The following ZNF223 variants were observed in gnomAD, a reference collection of about 807,000 sequenced individuals.
The protein encoded by ZNF223 is Homo sapiens zinc finger protein 223.
ZNF223 carries 9 observed loss-of-function variants against 12.3 expected under a neutral mutation model. That is an observed-to-expected ratio of 0.73 (90% CI 0.44 to 1.28). ZNF223 has a LOEUF of 1.28. Among genes scored for constraint, ZNF223 ranks in the 50% most tolerant of loss-of-function variants. ZNF223 has a pLI of 0.00. For missense variants in ZNF223, 506 were observed against 579.0 expected, an observed-to-expected ratio of 0.87 and a Z score of 1.29; for synonymous variants, 171 against 195.2, an observed-to-expected ratio of 0.88 and a Z score of 1.03.
chr19:44,059,625 T>C (rs1264275283), intron 2 of ZNF223, among the ~76,000 whole-genome samples: 1 of 152,134 alleles, frequency 6.6e-6, no homozygotes, highest in Non-Finnish European at 1.5e-5. Flanking sequence ...TTAATAGCTG[T>C]TGGATAGTGG....
chr19:44,062,270 T>G (rs887878371), intron 4 of ZNF223, among the ~76,000 whole-genome samples: 2 of 152,224 alleles, frequency 1.3e-5, no homozygotes, highest in African/African-American at 4.8e-5. Flanking sequence ...TCCTGATATA[T>G]GTGAAGTCTT....
chr19:44,056,531 CA>C lies in ZNF223; in HGVS notation c.15+1356del, dbSNP rs370032044. Among the ~76,000 whole-genome samples the C allele has an allele frequency of 7.3e-3, 553 of 76,000 alleles. 3 individuals carry two copies. The highest frequency in any genetic ancestry group is 0.03 in the African/African-American group (479 of 15,918). 49.9% of individuals were successfully genotyped at this position (76,000 alleles called of 152,430 possible). A position where few individuals can be genotyped will look rare whatever the true frequency, so the allele number is the denominator to read the frequency against. On this transcript the variant is annotated intron_variant, in intron 2 of 4. Coordinates refer to ENST00000434772, the MANE Select transcript of ZNF223 (RefSeq NM_013361.6). The stretch of plus-strand genomic sequence containing the variant: ...TGAGTGACAGAGTGAGACTCTGTCT[CA>C]AAAAAAAAAAAAAAATCCCTAAATT...
At chr19:44,061,942 TTA>T (rs1490288863) in intron 4 of ZNF223, among the ~76,000 whole-genome samples, 1 of 152,248 alleles carries the variant, frequency 6.6e-6, no homozygotes, top group Non-Finnish European at 1.5e-5. Context: ...CCTGCAAGTA[TTA>T]TGTGTCATAT....
At position 44,066,799 on chromosome 19, in the gene ZNF223, G is replaced by T; in HGVS notation, c.971G>T (p.Gly324Val). ...AACAGCACTGGGGAATATGGAAAAG[G>T]CTTCATTCGTAGGCTGGATTTGTGT... ...KPNSTGEYGK[G>V]FIRRLDLCKH... The change falls in exon 5 of 5, where the codon GGC (glycine) becomes GTC (valine). Residue 324 changes from glycine (G) to valine (V), a missense_variant. By Grantham distance (109) the Gly-to-Val change is moderately radical. Coordinates refer to ENST00000434772, the MANE Select transcript of ZNF223 (RefSeq NM_013361.6). The T allele has an allele frequency of 1.9e-6, 3 of 1,614,180 alleles. No individual in the cohort carries two copies. The highest frequency in any genetic ancestry group is 2.5e-6 in the Non-Finnish European group (3 of 1,180,036).
chr19:44,064,699 A>G (rs1034364316), intron 4 of ZNF223, among the ~76,000 whole-genome samples: 1 of 152,064 alleles, frequency 6.6e-6, no homozygotes, highest in African/African-American at 2.4e-5. Context: ...AACTCACTGG[A>G]TGTATTTATT....
rs980740614 is a variant in ZNF223, at chr19:44,052,135, C to G, written c.-129C>G. ...CCCCTTTGCTTGAGGCTCGCAACCA[C>G]CCGATGATCGATGATCGTCTCAGGG... On this transcript the variant is annotated 5_prime_UTR_variant, in exon 1 of 5. Coordinates refer to ENST00000434772, the MANE Select transcript of ZNF223 (RefSeq NM_013361.6). The G allele has an allele frequency of 6.5e-6, 1 of 154,234 alleles. No homozygotes were observed. Among genetic ancestry groups the G allele is most frequent in the Non-Finnish European group, 1.5e-5 (1 of 68,146 alleles). The allele number at this position is 154,234 out of a possible 1,614,324, so 9.6% of individuals were successfully genotyped here. A position where few individuals can be genotyped will look rare whatever the true frequency, so the allele number is the denominator to read the frequency against.
chr19:44,060,282 A>G (rs1976819838), intron 2 of ZNF223, 173 bp from the exon 3 acceptor site: 3 of 1,120,202 alleles, frequency 2.7e-6, no homozygotes, highest in Non-Finnish European at 3.8e-6. Context: ...TGGGACAATC[A>G]AGGTGTGTCA....
chr19:44,057,637 T>C (rs1976786125), intron 2 of ZNF223, among the ~76,000 whole-genome samples: 1 of 152,196 alleles, frequency 6.6e-6, no homozygotes, highest in Admixed American at 6.5e-5. Flanking sequence ...GGAACAAGCC[T>C]TGTAGGAAAA....
chr19:44,067,261 T>A lies in ZNF223; in HGVS notation c.1433T>A (p.Phe478Tyr), dbSNP rs754579499. Reference sequence around the variant, plus strand: ...AATCTTGATATAATTTTATCATTATTTTTAAATGACACGTAAGTGTTGTAC... The same window carrying A: ...AATCTTGATATAATTTTATCATTATATTTAAATGACACGTAAGTGTTGTAC... ...RLNLDIILSL[F>Y]LNDT Residue 478 changes from phenylalanine to tyrosine, a missense_variant, in exon 5 of 5, where the codon TTT (phenylalanine) becomes TAT (tyrosine). Physicochemically the swap from Phe to Tyr is conservative, Grantham distance 22. Coordinates refer to ENST00000434772, the MANE Select transcript of ZNF223 (RefSeq NM_013361.6). 7.2e-5 allele frequency: 115 copies of A among 1,607,904 alleles called. No homozygotes were observed. Among genetic ancestry groups the A allele is most frequent in the Admixed American group, 1.0e-4 (6 of 58,778 alleles).
At chr19:44,056,401 G>T (rs1976765841) in intron 2 of ZNF223, among the ~76,000 whole-genome samples, 1 of 145,312 alleles carries the variant, frequency 6.9e-6, no homozygotes, top group Non-Finnish European at 1.5e-5. Flanking sequence ...GGCGTGGTGC[G>T]GGCGCCTGTA....
intron 4 of ZNF223, among the ~76,000 whole-genome samples, chr19:44,064,921 A>G (rs1180249512): frequency 6.6e-6 from 1 of 152,144 alleles, no homozygotes; most frequent in Non-Finnish European, 1.5e-5. Flanking sequence ...GCTGGGATCC[A>G]AGTAATTATT....
chr19:44,063,621 C>T (rs1203259276), intron 4 of ZNF223: 1 of 152,520 alleles, frequency 6.6e-6, no homozygotes, highest in Non-Finnish European at 1.5e-5. Context: ...AGGGGATCAA[C>T]ATGTTCCTGA....
chr19:44,060,562 C>G lies in ZNF223; in HGVS notation c.123C>G (p.Phe41Leu). 1 of 1,614,126 alleles carries G rather than the reference C, an allele frequency of 6.2e-7. No individual in the cohort carries two copies. Among genetic ancestry groups the G allele is most frequent in the African/African-American group, 1.3e-5 (1 of 75,040 alleles). ...ATCGAGATGTGATGCTGGAGAACTT[C>G]AGGAACCTGCTGTCAGTGGGTGAGG... ...KLYRDVMLENFRNLLSVGHQP... is the reference protein window; with the variant it reads ...KLYRDVMLENLRNLLSVGHQP... The change falls in exon 3 of 5, where the codon TTC (phenylalanine) becomes TTG (leucine). Residue 41 changes from phenylalanine (F) to leucine (L), a missense_variant. Physicochemically the swap from Phe to Leu is conservative, Grantham distance 22 (BLOSUM62 0). Transcript: ENST00000434772.
rs1310641546 is a variant in ZNF223, at chr19:44,055,091, C to T, written c.-68-18C>T. On this transcript the variant is annotated intron_variant, in intron 1 of 4. Coordinates refer to ENST00000434772, the MANE Select transcript of ZNF223 (RefSeq NM_013361.6). ...CACCCTTTCATGTCTCTTTTTCTGT[C>T]TTCATGGCACTTTCCAGGCACAATT... 1.4e-6 allele frequency: 2 copies of T among 1,421,804 alleles called. No individual in the cohort carries two copies. Among genetic ancestry groups the T allele is most frequent in the African/African-American group, 1.4e-5 (1 of 70,964 alleles). 88.1% of individuals were successfully genotyped at this position (1,421,804 alleles called of 1,614,324 possible).
At chr19:44,058,900 G>T (rs1463027951) in intron 2 of ZNF223, among the ~76,000 whole-genome samples, 2 of 152,196 alleles carry the variant, frequency 1.3e-5, no homozygotes, top group Non-Finnish European at 2.9e-5. Context: ...TTCTTGCCCA[G>T]TGGTGCATCT....
In ZNF223 at chr19:44,066,085, T is replaced by C. The variant is rs200086448; in HGVS notation, c.257T>C (p.Met86Thr). 3 of 1,600,020 alleles carry C rather than the reference T, an allele frequency of 1.9e-6. No homozygotes were observed. Among genetic ancestry groups the C allele is most frequent in the East Asian group, 2.2e-5 (1 of 44,826 alleles). The change falls in exon 5 of 5, where the codon ATG becomes ACG. Residue 86 changes from methionine to threonine, a missense_variant. Physicochemically the swap from Met to Thr is moderately conservative, Grantham distance 81. Transcript: ENST00000434772. ...GNSGGKIQPE[M>T]KTFPEAGPHE... Reference sequence around the variant, plus strand: ...ATAGGAGGCAAGATCCAACCTGAGATGAAGACTTTTCCAGAAGCAGGACCA... The same window carrying C: ...ATAGGAGGCAAGATCCAACCTGAGACGAAGACTTTTCCAGAAGCAGGACCA...
chr19:44,060,909 C>A, intron 4 of ZNF223, 68 bp downstream of exon 4: 1 of 1,396,166 alleles, frequency 7.2e-7, no homozygotes. Flanking sequence ...GCACGTCCAA[C>A]TCCATTACCT....
chr19:44,066,942 T>C lies in ZNF223; in HGVS notation c.1114T>C (p.Tyr372His), dbSNP rs759917952. 6.2e-7 allele frequency: 1 copy of C among 1,614,156 alleles called. No individual in the cohort carries two copies. Among genetic ancestry groups the C allele is most frequent in the South Asian group, 1.1e-5 (1 of 91,088 alleles). ...HQRVHTGEKP[Y>H]KCDKCGKSYI... ...GCGAGTCCACACTGGAGAAAAGCCA[T>C]ACAAATGTGACAAGTGTGGGAAGAG... is the stretch of plus-strand genomic sequence containing the variant. Residue 372 changes from tyrosine to histidine, a missense_variant, in exon 5 of 5, where the codon TAC (tyrosine) becomes CAC (histidine). Tyr to His is a moderately conservative substitution (Grantham distance 83). Transcript: ENST00000434772.
At position 44,066,639 on chromosome 19, in the gene ZNF223, C is replaced by T. The variant is rs952919682; in HGVS notation, c.811C>T (p.His271Tyr). The change falls in exon 5 of 5, where the codon CAT becomes TAT. Residue 271 changes from histidine (H) to tyrosine (Y), a missense_variant. By Grantham distance (83) the His-to-Tyr change is moderately conservative. Transcript: ENST00000434772. ...TGAGGCATGTGGGAGGGCCTTCATTCATGATTTCCAGCTTCAGAAACATCA... is the reference window on the plus strand; with the variant it reads ...TGAGGCATGTGGGAGGGCCTTCATTTATGATTTCCAGCTTCAGAAACATCA... ...NCEACGRAFIHDFQLQKHQRI... is the reference protein window; with the variant it reads ...NCEACGRAFIYDFQLQKHQRI... The T allele has an allele frequency of 6.2e-7, 1 of 1,614,044 alleles. No individual in the cohort carries two copies. The highest frequency in any genetic ancestry group is 8.5e-7 in the Non-Finnish European group (1 of 1,180,046).
Sources: allele counts gnomAD v4.1 joint callset (sites outside exome capture counted in the v4.1 genomes callset), GRCh38; gene constraint gnomAD v4.1.1; transcripts MANE v1.5; gene names NCBI Gene and HGNC (gene_info 2026-07-23, HGNC 2026-07-21).